Variants in CSMD1 observed in about 807,000 individuals in gnomAD.
The protein encoded by CSMD1 is CUB and sushi domain-containing protein 1.
A neutral mutation model predicts 417.5 loss-of-function variants in CSMD1; 213 were observed. That is an observed-to-expected ratio of 0.51 (90% CI 0.46 to 0.57). CSMD1 has a LOEUF of 0.57. Ranked by LOEUF, CSMD1 falls within the 20% of genes least tolerant of loss-of-function variation. CSMD1 has a pLI of 0.00. For synonymous variants in CSMD1, 2,862 were observed against 1,736.8 expected (o/e 1.65, Z -16.11); for missense variants, 6,923 against 4,529.7 (o/e 1.53, Z -15.17).
intron 3 of CSMD1, among the ~76,000 whole-genome samples, chr8:4,215,503 G>T (rs1435034397): frequency 2.9e-4 from 1 of 3,458 alleles, no homozygotes; most frequent in African/African-American, 8.9e-4. Context: ...TGAATACATA[G>T]AGAGTTTTTT....
intron 3 of CSMD1, among the ~76,000 whole-genome samples, chr8:4,040,975 C>A (rs896653383): frequency 2.6e-5 from 4 of 151,160 alleles, no homozygotes; most frequent in African/African-American, 7.3e-5. Context: ...CTAGTGAATC[C>A]TCACGTGGTC....
intron 6 of CSMD1, among the ~76,000 whole-genome samples, chr8:3,737,309 G>C (rs4509357): frequency 0.056 from 8,450 of 152,182 alleles, 312 homozygotes; most frequent in Middle Eastern, 0.095. Flanking sequence ...TCCTTCAGGA[G>C]GCAAAGACAG....
At chr8:3,235,053 T>C (rs759188905) in intron 26 of CSMD1, among the ~76,000 whole-genome samples, 1 of 152,310 alleles carries the variant, frequency 6.6e-6, no homozygotes, top group East Asian at 1.9e-4. Flanking sequence ...AATTAAGCAC[T>C]CATTTGCAAG....
chr8:4,289,196 T>C (rs113083551), intron 3 of CSMD1, among the ~76,000 whole-genome samples: 2 of 152,176 alleles, frequency 1.3e-5, no homozygotes, highest in South Asian at 2.1e-4. Flanking sequence ...GGACAAATAC[T>C]CTTTACCAGT....
chr8:4,890,585 G>C (rs1563686406), intron 1 of CSMD1, among the ~76,000 whole-genome samples: 1 of 150,402 alleles, frequency 6.6e-6, no homozygotes, highest in Non-Finnish European at 1.5e-5. Flanking sequence ...GGGCAGGACA[G>C]GTGAGAGCGT....
At chr8:3,282,350 C>A (rs1305585720) in intron 26 of CSMD1, among the ~76,000 whole-genome samples, 2 of 152,004 alleles carry the variant, frequency 1.3e-5, no homozygotes, top group African/African-American at 4.8e-5. Flanking sequence ...AATCTTACTG[C>A]CAGTGCAAAA....
chr8:4,330,366 A>T (rs1034736685), intron 3 of CSMD1, among the ~76,000 whole-genome samples: 2 of 152,058 alleles, frequency 1.3e-5, no homozygotes, highest in Non-Finnish European at 2.9e-5. Flanking sequence ...AGGACTAGTC[A>T]GGCAGATCAC....
intron 1 of CSMD1, among the ~76,000 whole-genome samples, chr8:4,684,020 T>C (rs1380059798): frequency 1.3e-5 from 2 of 152,304 alleles, no homozygotes; most frequent in African/African-American, 2.4e-5. Flanking sequence ...AAGTGAATGG[T>C]TGTACATCAG....
At chr8:3,400,894 G>A (rs752826179) in intron 15 of CSMD1, among the ~76,000 whole-genome samples, 1 of 150,960 alleles carries the variant, frequency 6.6e-6, no homozygotes, top group Non-Finnish European at 1.5e-5. Flanking sequence ...TGAAAGCAGG[G>A]TAATTTTTAT....
intron 54 of CSMD1, among the ~76,000 whole-genome samples, chr8:2,986,210 G>A (rs1319434157): frequency 1.3e-5 from 2 of 152,184 alleles, no homozygotes; most frequent in African/African-American, 4.8e-5. Flanking sequence ...CTTTGAAGAG[G>A]AAATTCAGAT....
chr8:3,788,216 G>A (rs764628516), intron 5 of CSMD1, among the ~76,000 whole-genome samples: 2 of 152,202 alleles, frequency 1.3e-5, no homozygotes, highest in East Asian at 1.9e-4. Flanking sequence ...TGGATCACAG[G>A]ATTTAACAGG....
At chr8:3,096,511 T>C (rs962608455) in intron 47 of CSMD1, among the ~76,000 whole-genome samples, 1 of 152,180 alleles carries the variant, frequency 6.6e-6, no homozygotes, top group Non-Finnish European at 1.5e-5. Context: ...ATGTAAAATG[T>C]GACTTGCTCC....
chr8:3,612,970 A>G (rs1425185401), intron 8 of CSMD1, among the ~76,000 whole-genome samples: 1 of 152,110 alleles, frequency 6.6e-6, no homozygotes, highest in African/African-American at 2.4e-5. Context: ...TAAACAATAC[A>G]GAAATGTATG....
chr8:4,511,283 T>A (rs1802805045), intron 2 of CSMD1, among the ~76,000 whole-genome samples: 1 of 152,128 alleles, frequency 6.6e-6, no homozygotes, highest in Non-Finnish European at 1.5e-5. Context: ...GTCCCAGGGC[T>A]GGGAGCACTC....
chr8:3,040,410 A>ATATT (rs1554496468), intron 50 of CSMD1, among the ~76,000 whole-genome samples: 5 of 144,862 alleles, frequency 3.5e-5, no homozygotes, highest in Non-Finnish European at 7.5e-5. Flanking sequence ...ATATATATAT[A>ATATT]TATAACAGAA....
At chr8:3,797,960 A>C (rs977420923) in intron 5 of CSMD1, among the ~76,000 whole-genome samples, 3 of 151,990 alleles carry the variant, frequency 2.0e-5, no homozygotes, top group Non-Finnish European at 4.4e-5. Context: ...ATAACTATTT[A>C]CTGGCATCTC....
At chr8:4,723,793 AAAAAAAAC>A (rs1809224792) in intron 1 of CSMD1, among the ~76,000 whole-genome samples, 1 of 146,008 alleles carries the variant, frequency 6.8e-6, no homozygotes, top group East Asian at 2.0e-4. Context: ...AATGTAAAAA[AAAAAAAAC>A]AAAAAAAAAA....
At chr8:4,735,882 C>T (rs762037565) in intron 1 of CSMD1, among the ~76,000 whole-genome samples, 1 of 152,154 alleles carries the variant, frequency 6.6e-6, no homozygotes, top group Non-Finnish European at 1.5e-5. Context: ...ACATACAACA[C>T]GCTACTGCTT....
rs370903434 is a variant in CSMD1 at position 4,217,870 on chromosome 8, A to C, written c.416-185771T>G. ...AATGTGAAAAGGTGAGCCAGAAAGG[A>C]AACATAAGAGGAGGTGGTTTCAGAT... is the stretch of plus-strand genomic sequence containing the variant. On this transcript the variant is annotated intron_variant, in intron 3 of 69. Coordinates refer to ENST00000635120, the MANE Select transcript of CSMD1 (RefSeq NM_033225.6). 1.6e-4 allele frequency among the ~76,000 whole-genome samples: 25 copies of C among 152,282 alleles called. No homozygotes were observed. In the South Asian group the frequency reaches 3.7e-3, roughly 23 times the overall value.
Sources: allele counts gnomAD v4.1 joint callset (sites outside exome capture counted in the v4.1 genomes callset), GRCh38; gene constraint gnomAD v4.1.1; transcripts MANE v1.5; gene names NCBI Gene and HGNC (gene_info 2026-07-23, HGNC 2026-07-21).